The following WNK3 variants were observed in gnomAD, a reference collection of about 807,000 sequenced individuals.
The protein encoded by WNK3 is WNK lysine deficient protein kinase 3.
Under a neutral mutation model 116.7 loss-of-function variants are expected in WNK3, and 18 were observed. The ratio of observed to expected loss-of-function variants is 0.15; its 90% confidence interval spans 0.11 to 0.23. The LOEUF (loss-of-function observed/expected upper bound fraction) is 0.23. Among genes scored for constraint, WNK3 ranks in the 10% least tolerant of loss-of-function variants. The probability of loss-of-function intolerance (pLI) is 1.00; values close to 1 mark genes in which losing one functional copy is unlikely to be tolerated. For synonymous variants in WNK3, 404 were observed against 469.4 expected (o/e 0.86, Z 1.80); for missense variants, 993 against 1,323.8 (o/e 0.75, Z 3.88).
At chrX:54,338,511 T>C (rs111856443) in intron 1 of WNK3, among the ~76,000 whole-genome samples, 3 of 105,988 alleles carry the variant, frequency 2.8e-5, no homozygotes, top group African/African-American at 1.0e-4. Context: ...CACCTGAGCC[T>C]GGGAAGTTGA....
At chrX:54,216,802 C>T (rs1186796157) in intron 22 of WNK3, among the ~76,000 whole-genome samples, 1 of 112,160 alleles carries the variant, frequency 8.9e-6, no homozygotes, top group Non-Finnish European at 1.9e-5. Flanking sequence ...CCAATCATGG[C>T]TCATCACTAA....
At chrX:54,218,287 T>C (rs1484103883) in intron 22 of WNK3, among the ~76,000 whole-genome samples, 1 of 111,049 alleles carries the variant, frequency 9.0e-6, no homozygotes, top group African/African-American at 3.3e-5. Flanking sequence ...GTCCTGGAAC[T>C]GATCTCCGCA....
chrX:54,202,365 A>T (rs1457753098), intron 22 of WNK3, among the ~76,000 whole-genome samples, 172 bp from the exon 23 acceptor site: 2 of 111,734 alleles, frequency 1.8e-5, no homozygotes, highest in African/African-American at 6.5e-5. Context: ...GTTGTCCTGG[A>T]GTAATTGCTA....
intron 2 of WNK3, among the ~76,000 whole-genome samples, chrX:54,331,675 T>G (rs2069172934): frequency 9.0e-6 from 1 of 111,225 alleles, no homozygotes; most frequent in Non-Finnish European, 1.9e-5. Context: ...CTCCCTAAAT[T>G]AGAAGCACTT....
chrX:54,218,346 A>G (rs2067722166), intron 22 of WNK3, among the ~76,000 whole-genome samples: 1 of 110,755 alleles, frequency 9.0e-6, no homozygotes, highest in Admixed American at 9.8e-5. Flanking sequence ...ACTATGCCTA[A>G]AAAAATTAAA....
chrX:54,198,374 G>T, exon 24 of WNK3: 1 of 1,209,651 alleles, frequency 8.3e-7, no homozygotes, highest in African/African-American at 1.7e-5. Context: ...GATGAAGTTG[G>T]AAATGCCTGC....
At chrX:54,314,728 G>A (rs1009692277) in intron 2 of WNK3, among the ~76,000 whole-genome samples, 9 of 111,242 alleles carry the variant, frequency 8.1e-5, no homozygotes, top group Non-Finnish European at 1.3e-4. Flanking sequence ...CCATGTTTGC[G>A]CCACACTGCG....
chrX:54,313,350 C>T (rs2068909001), intron 2 of WNK3, among the ~76,000 whole-genome samples: 1 of 101,502 alleles, frequency 9.9e-6, no homozygotes, highest in South Asian at 3.9e-4. Context: ...TTCAACTCCT[C>T]TGTATTTTTT....
intron 1 of WNK3, among the ~76,000 whole-genome samples, chrX:54,346,642 A>G: frequency 9.4e-6 from 1 of 106,109 alleles, no homozygotes; most frequent in East Asian, 3.0e-4. Flanking sequence ...CATGCCCTGG[A>G]GTGGGAGAAA....
At position 54,195,664 on chromosome X, in the gene WNK3, T is replaced by G. The variant is rs1200645581; in HGVS notation, c.*2660A>C. ...CTGCACAAGCTCACTTTTTTCTGTA[T>G]TTTTAAATGTACACATGTTATATAT... On this transcript the variant is annotated 3_prime_UTR_variant, in exon 24 of 24. Coordinates refer to ENST00000354646, the Ensembl canonical transcript of WNK3. 4.5e-5 allele frequency: 5 copies of G among 111,662 alleles called. No individual in the cohort carries two copies. In the East Asian group the frequency reaches 1.1e-3, roughly 25 times the overall value. The allele number at this position is 111,662 out of a possible 1,213,427, so 9.2% of individuals were successfully genotyped here. A position where few individuals can be genotyped will look rare whatever the true frequency, so the allele number is the denominator to read the frequency against.
rs1229874861 is a variant in WNK3 at position 54,209,023 on chromosome X, CAT to C, written c.4871-6832_4871-6831del. On this transcript the variant is annotated intron_variant, in intron 22 of 23. Transcript: ENST00000354646. The stretch of plus-strand genomic sequence containing the variant: ...AAATTCCAGACTCTGAGGAGGAAAA[CAT>C]GTGTTCAGGATAAATCACATTATTT... Among the ~76,000 whole-genome samples the C allele has an allele frequency of 3.6e-5, 4 of 111,479 alleles. No individual in the cohort carries two copies. The Admixed American group carries it at 3.9e-4, about 11-fold the overall frequency.
At chrX:54,247,941 T>C (rs782663269) in intron 17 of WNK3, among the ~76,000 whole-genome samples, 14 of 111,780 alleles carry the variant, frequency 1.3e-4, no homozygotes, top group African/African-American at 4.5e-4. Context: ...TCCTACATTA[T>C]ATAACTCATA....
intron 11 of WNK3, among the ~76,000 whole-genome samples, chrX:54,258,463 A>G (rs1316237293): frequency 5.5e-5 from 6 of 108,172 alleles, no homozygotes; most frequent in African/African-American, 2.0e-4. Context: ...CCTCCCAAGT[A>G]GCTGGGATTA....
At chrX:54,262,423 T>C (rs1266974730) in intron 10 of WNK3, among the ~76,000 whole-genome samples, 2 of 112,050 alleles carry the variant, frequency 1.8e-5, no homozygotes, top group Admixed American at 1.9e-4. Flanking sequence ...AGCGTTGTAG[T>C]ATGTGCTTTT....
At chrX:54,231,749 C>T (rs1352514758) in intron 21 of WNK3, among the ~76,000 whole-genome samples, 3 of 111,407 alleles carry the variant, frequency 2.7e-5, no homozygotes, top group Non-Finnish European at 5.6e-5. Context: ...TATATCCTAC[C>T]ATGGTCACAA....
chrX:54,326,123 C>T (rs1189085517), intron 2 of WNK3, among the ~76,000 whole-genome samples: 13 of 106,085 alleles, frequency 1.2e-4, no homozygotes, highest in African/African-American at 4.5e-4. Context: ...TGAAGTCTCG[C>T]TCTGTTGCCC....
chrX:54,267,470 G>A (rs2068326642), intron 10 of WNK3, among the ~76,000 whole-genome samples: 1 of 110,906 alleles, frequency 9.0e-6, no homozygotes, highest in African/African-American at 3.3e-5. Flanking sequence ...AGTGGAATAT[G>A]AGAGAAAGCA....
chrX:54,207,252 A>G (rs2067563229), intron 22 of WNK3, among the ~76,000 whole-genome samples: 1 of 111,274 alleles, frequency 9.0e-6, no homozygotes, highest in Non-Finnish European at 1.9e-5. Context: ...TTAAGCTTAA[A>G]TATATAATTG....
intron 10 of WNK3, among the ~76,000 whole-genome samples, chrX:54,261,637 C>T (rs191143335): frequency 9.3e-4 from 104 of 111,868 alleles, no homozygotes; most frequent in African/African-American, 3.3e-3. Flanking sequence ...CAAACACACA[C>T]ACACACACAC....
Sources: allele counts gnomAD v4.1 joint callset (sites outside exome capture counted in the v4.1 genomes callset), GRCh38; gene constraint gnomAD v4.1.1; transcripts MANE v1.5; gene names NCBI Gene and HGNC (gene_info 2026-07-23, HGNC 2026-07-21).